Variants in TDRD3 observed in about 807,000 individuals in gnomAD.
The protein encoded by TDRD3 is tudor domain containing 3.
In TDRD3, 45 loss-of-function variants were observed where a neutral mutation model predicts 86.7. That is an observed-to-expected ratio of 0.52 (90% CI 0.41 to 0.67). TDRD3 has a LOEUF of 0.67. Among genes scored for constraint, TDRD3 ranks in the 30% least tolerant of loss-of-function variants. The pLI, the probability that TDRD3 is intolerant of heterozygous loss-of-function variation, is 0.00. For synonymous variants in TDRD3, 298 were observed against 301.7 expected, an observed-to-expected ratio of 0.99 and a Z score of 0.13; for missense variants, 814 against 889.0, an observed-to-expected ratio of 0.92 and a Z score of 1.07.
At chr13:60,396,878 C>T (rs1043608609), upstream of TDRD3, 1 of 152,866 alleles carries the variant, frequency 6.5e-6, no homozygotes, top group Non-Finnish European at 1.5e-5. Context: ...TTAGCGCGGT[C>T]CTGGACGCGT....
chr13:60,398,873 C>A (rs1232055632), intron 1 of TDRD3, among the ~76,000 whole-genome samples: 5 of 151,810 alleles, frequency 3.3e-5, no homozygotes, highest in African/African-American at 1.2e-4. Flanking sequence ...AGTTTTTTTA[C>A]CCACAAGGGT....
At chr13:60,454,547 G>A (rs991752416) in intron 3 of TDRD3, among the ~76,000 whole-genome samples, 1 of 152,048 alleles carries the variant, frequency 6.6e-6, no homozygotes, top group African/African-American at 2.4e-5. Context: ...TTTTAGAAGG[G>A]ATATGTGCTT....
chr13:60,491,061 T>C (rs9528149), intron 7 of TDRD3, among the ~76,000 whole-genome samples: 69,121 of 147,014 alleles, frequency 0.47, 16,309 homozygotes, highest in South Asian at 0.55. Flanking sequence ...TTGTGGTGAG[T>C]CAAGATTGTG....
At chr13:60,567,486 C>T (rs1316307077) in intron 12 of TDRD3, 39 bp from the exon 13 acceptor site, 2 of 1,613,386 alleles carry the variant, frequency 1.2e-6, no homozygotes, top group African/African-American at 2.7e-5. Context: ...AAACTTGGAG[C>T]CATTTTGAAC....
At chr13:60,565,191 G>A (rs1461667897) in intron 12 of TDRD3, among the ~76,000 whole-genome samples, 2 of 151,814 alleles carry the variant, frequency 1.3e-5, no homozygotes, top group South Asian at 2.1e-4. Flanking sequence ...GAGTAGCTGG[G>A]ACTACAGGCG....
intron 11 of TDRD3, among the ~76,000 whole-genome samples, chr13:60,534,771 C>G (rs190860403): frequency 1.3e-5 from 2 of 150,554 alleles, no homozygotes; most frequent in East Asian, 3.9e-4. Flanking sequence ...ATAAAAAATA[C>G]CAAAAAATTA....
rs144223642 is a variant in TDRD3, at chr13:60,481,711, C to T, written c.496-2064C>T. 3.1e-3 allele frequency among the ~76,000 whole-genome samples: 467 copies of T among 152,140 alleles called. 2 individuals are homozygous for T. Among genetic ancestry groups the T allele is most frequent in the African/African-American group, 0.011 (443 of 41,500 alleles). On this transcript the variant is annotated intron_variant, in intron 5 of 13. Coordinates refer to ENST00000377881, the MANE Select transcript of TDRD3 (RefSeq NM_001146070.2). ...CTATTTATTAGTTCATCATCTTTGTCATCTATGGCCCAGTTTCTCTTGACT... is the reference window on the plus strand; with the variant it reads ...CTATTTATTAGTTCATCATCTTTGTTATCTATGGCCCAGTTTCTCTTGACT...
chr13:60,493,295 A>G (rs756127014), intron 7 of TDRD3, among the ~76,000 whole-genome samples: 1 of 152,168 alleles, frequency 6.6e-6, no homozygotes, highest in Non-Finnish European at 1.5e-5. Flanking sequence ...ATTTTAAAAC[A>G]TATTTTAAAA....
At position 60,494,424 on chromosome 13, in the gene TDRD3, C is replaced by G; in HGVS notation, c.718-11C>G. On this transcript the variant is annotated splice_polypyrimidine_tract_variant and intron_variant, in intron 7 of 13. Coordinates refer to ENST00000377881, the MANE Select transcript of TDRD3 (RefSeq NM_001146070.2). ...CTACATACCTCTCTTTTATCTTTCT[C>G]TTATGTAAAGACCAAGACATTTGGA... is the stretch of plus-strand genomic sequence containing the variant. 4 of 1,608,294 alleles carry G rather than the reference C, an allele frequency of 2.5e-6. No homozygotes were observed. Among genetic ancestry groups the G allele is most frequent in the Non-Finnish European group, 3.4e-6 (4 of 1,176,786 alleles).
intron 1 of TDRD3, among the ~76,000 whole-genome samples, chr13:60,420,775 T>C (rs2137868758): frequency 6.6e-6 from 1 of 152,084 alleles, no homozygotes; most frequent in South Asian, 2.1e-4. Context: ...ACCCCGTCTC[T>C]ACTAAAAATA....
chr13:60,479,128 C>T (rs1346927417), intron 5 of TDRD3, among the ~76,000 whole-genome samples: 5 of 152,136 alleles, frequency 3.3e-5, no homozygotes, highest in Non-Finnish European at 5.9e-5. Context: ...CTTCTAACTT[C>T]TTGATGTAGG....
At chr13:60,558,474 C>T (rs1177178994) in intron 12 of TDRD3, among the ~76,000 whole-genome samples, 2 of 152,110 alleles carry the variant, frequency 1.3e-5, no homozygotes, top group Non-Finnish European at 2.9e-5. Flanking sequence ...GACCTGAAAA[C>T]ATATCAATAG....
chr13:60,398,907 C>G (rs1462018748), intron 1 of TDRD3, among the ~76,000 whole-genome samples: 2 of 152,200 alleles, frequency 1.3e-5, no homozygotes, highest in Non-Finnish European at 2.9e-5. Flanking sequence ...TTGGATCCCT[C>G]TTTCATTTGC....
At chr13:60,531,101 C>G (rs1957572726) in intron 11 of TDRD3, among the ~76,000 whole-genome samples, 1 of 152,162 alleles carries the variant, frequency 6.6e-6, no homozygotes. Context: ...CACATCTTTA[C>G]TTAAGCCTGG....
In TDRD3 at chr13:60,464,990, T is replaced by C. The variant is rs116575133; in HGVS notation, c.354-2248T>C. Among the ~76,000 whole-genome samples the C allele has an allele frequency of 6.8e-3, 1,034 of 152,296 alleles. 7 individuals are homozygous for C. Among genetic ancestry groups the C allele is most frequent in the African/African-American group, 0.023 (957 of 41,564 alleles). ...AGATAAATGTTTGAGGTAATAGATATCTCATTTTTACCCTGATTTGATCAT... is the reference window on the plus strand; with the variant it reads ...AGATAAATGTTTGAGGTAATAGATACCTCATTTTTACCCTGATTTGATCAT... On this transcript the variant is annotated intron_variant, in intron 4 of 13. Transcript: ENST00000377881.
chr13:60,494,640 C>T, intron 8 of TDRD3, 65 bp downstream of exon 8: 1 of 1,493,716 alleles, frequency 6.7e-7, no homozygotes, highest in Middle Eastern at 1.8e-4. Context: ...TTTATTCTTT[C>T]TTACCACCAC....
chr13:60,541,919 G>T (rs1237940888), intron 12 of TDRD3, among the ~76,000 whole-genome samples: 2 of 151,364 alleles, frequency 1.3e-5, no homozygotes, highest in Admixed American at 6.6e-5. Flanking sequence ...TAGAGACAGG[G>T]TTTCTCCATG....
chr13:60,460,735 T>G (rs1594960312), intron 4 of TDRD3, 195 bp downstream of exon 4: 2 of 466,612 alleles, frequency 4.3e-6, no homozygotes, highest in Non-Finnish European at 6.9e-6. Context: ...CCAGGCGTGG[T>G]GGCTCAAGCC....
intron 2 of TDRD3, among the ~76,000 whole-genome samples, chr13:60,444,307 TA>T (rs1169952831): frequency 2.0e-5 from 3 of 151,684 alleles, no homozygotes; most frequent in Non-Finnish European, 4.4e-5. Flanking sequence ...GATTCAGTTT[TA>T]AAAAACATAC....
Sources: gnomAD v4.1 joint callset for allele counts (sites outside exome capture counted in the v4.1 genomes callset) on GRCh38, gnomAD v4.1.1 for gene constraint, MANE v1.5 for transcripts, NCBI Gene and HGNC (gene_info 2026-07-23, HGNC 2026-07-21) for gene names.